Variants in UBE2E2 observed in about 807,000 individuals in gnomAD.
The protein encoded by UBE2E2 is ubiquitin-conjugating enzyme E2 E2.
UBE2E2 carries 6 observed loss-of-function variants against 24.7 expected under a neutral mutation model. That is an observed-to-expected ratio of 0.24 (90% CI 0.13 to 0.48). The LOEUF (loss-of-function observed/expected upper bound fraction) is 0.48. Among genes scored for constraint, UBE2E2 ranks in the 20% least tolerant of loss-of-function variants. The pLI is 0.99. For synonymous variants in UBE2E2, 104 were observed against 83.6 expected (o/e 1.24, Z -1.33); for missense variants, 169 against 245.0 (o/e 0.69, Z 2.07).
intron 3 of UBE2E2, among the ~76,000 whole-genome samples, chr3:23,224,156 G>GTTTTTTTTTTTTTTTTTTTTTTTTT: frequency 1.1e-5 from 1 of 93,718 alleles, no homozygotes; most frequent in African/African-American, 4.0e-5. Context: ...TAAATTTTAG[G>GTTTTTTTTTTTTTTTTTTTTTTTTT]TTTTTTTTTT....
chr3:23,335,333 T>C (rs1341084482), intron 3 of UBE2E2, among the ~76,000 whole-genome samples: 4 of 152,204 alleles, frequency 2.6e-5, no homozygotes, highest in Non-Finnish European at 4.4e-5. Context: ...AGTTCATTTC[T>C]GCCCTTCCTT....
At chr3:23,304,942 T>G (rs549218038) in intron 3 of UBE2E2, among the ~76,000 whole-genome samples, 5 of 152,192 alleles carry the variant, frequency 3.3e-5, no homozygotes, top group African/African-American at 1.2e-4. Flanking sequence ...CAAGTATTGG[T>G]CATTTGGAAA....
chr3:23,584,337 G>A (rs1335522755), intron 5 of UBE2E2, among the ~76,000 whole-genome samples: 1 of 151,900 alleles, frequency 6.6e-6, no homozygotes, highest in Non-Finnish European at 1.5e-5. Flanking sequence ...GAGGATTTTT[G>A]CATCTACATC....
chr3:23,435,385 GGT>G (rs1698156915), intron 3 of UBE2E2, among the ~76,000 whole-genome samples: 1 of 152,206 alleles, frequency 6.6e-6, no homozygotes. Flanking sequence ...TAAGTTACTT[GGT>G]GTGAGGTCTG....
intron 3 of UBE2E2, among the ~76,000 whole-genome samples, chr3:23,269,619 G>T (rs547549505): frequency 2.0e-5 from 3 of 152,300 alleles, no homozygotes; most frequent in Admixed American, 1.3e-4. Flanking sequence ...CAAAAGGCCA[G>T]TTAAGAGAAT....
chr3:23,422,207 G>C (rs1697818273), intron 3 of UBE2E2, among the ~76,000 whole-genome samples: 2 of 152,108 alleles, frequency 1.3e-5, no homozygotes, highest in Admixed American at 6.6e-5. Context: ...TCTTTTAAGA[G>C]AAACAATTTT....
At chr3:23,301,801 C>T (rs1425887122) in intron 3 of UBE2E2, among the ~76,000 whole-genome samples, 1 of 146,056 alleles carries the variant, frequency 6.8e-6, no homozygotes. Flanking sequence ...CCACTACTGT[C>T]TTCAAAGCTC....
chr3:23,209,946 A>G (rs1247478865), intron 2 of UBE2E2, among the ~76,000 whole-genome samples: 2 of 152,040 alleles, frequency 1.3e-5, no homozygotes, highest in Non-Finnish European at 2.9e-5. Context: ...TGAACTTTAA[A>G]CTTTGAGACC....
chr3:23,302,968 C>G (rs753965733), intron 3 of UBE2E2, among the ~76,000 whole-genome samples: 3 of 152,166 alleles, frequency 2.0e-5, no homozygotes, highest in Non-Finnish European at 4.4e-5. Flanking sequence ...ATGACACATA[C>G]CTGTGGAACC....
intron 3 of UBE2E2, among the ~76,000 whole-genome samples, chr3:23,250,842 C>T (rs547245055): frequency 6.6e-6 from 1 of 152,226 alleles, no homozygotes; most frequent in African/African-American, 2.4e-5. Context: ...GTAATTTCTT[C>T]TCAGTCCTCT....
At chr3:23,533,157 A>G (rs746077087) in intron 5 of UBE2E2, among the ~76,000 whole-genome samples, 2 of 152,198 alleles carry the variant, frequency 1.3e-5, no homozygotes, top group Non-Finnish European at 2.9e-5. Flanking sequence ...ACAAGCTATT[A>G]TAACGGTCCT....
At chr3:23,414,340 C>A (rs1211751748) in intron 3 of UBE2E2, among the ~76,000 whole-genome samples, 1 of 152,004 alleles carries the variant, frequency 6.6e-6, no homozygotes, top group Admixed American at 6.5e-5. Context: ...AGCTGGTGCA[C>A]ACTTGTTAAA....
At position 23,572,336 on chromosome 3, in the gene UBE2E2, G is replaced by T. The variant is rs1262174902; in HGVS notation, c.509-17398G>T. Among the ~76,000 whole-genome samples, 3 of 152,084 alleles carry T rather than the reference G, an allele frequency of 2.0e-5. No individual in the cohort carries two copies. In the East Asian group the frequency reaches 5.8e-4, roughly 29 times the overall value. On this transcript the variant is annotated intron_variant, in intron 5 of 5. Transcript: ENST00000396703. ...TAATCACTTCATTTTAGACTCAGAG[G>T]AATTCCAGTGTTTCTAAATCCTGAT...
intron 3 of UBE2E2, among the ~76,000 whole-genome samples, chr3:23,272,450 C>A (rs1698270220): frequency 6.6e-6 from 1 of 152,154 alleles, no homozygotes; most frequent in Non-Finnish European, 1.5e-5. Context: ...AGAGGGGCTC[C>A]CACAGTGCAG....
At chr3:23,255,685 A>G (rs1020407730) in intron 3 of UBE2E2, among the ~76,000 whole-genome samples, 1 of 152,160 alleles carries the variant, frequency 6.6e-6, no homozygotes, top group Non-Finnish European at 1.5e-5. Context: ...GCTTCTGAAC[A>G]TTTTGCCTTT....
intron 3 of UBE2E2, among the ~76,000 whole-genome samples, chr3:23,263,334 T>A (rs531733978): frequency 6.6e-6 from 1 of 152,344 alleles, no homozygotes; most frequent in East Asian, 1.9e-4. Flanking sequence ...TTTAACTATT[T>A]ACACAAAGAT....
intron 4 of UBE2E2, among the ~76,000 whole-genome samples, chr3:23,510,099 A>C (rs1355709412): frequency 2.6e-5 from 4 of 152,138 alleles, no homozygotes; most frequent in Non-Finnish European, 5.9e-5. Flanking sequence ...AGCCTCTTAG[A>C]GATTTGTTCA....
At position 23,312,801 on chromosome 3, in the gene UBE2E2, A is replaced by G. The variant is rs576497715; in HGVS notation, c.227+95489A>G. On this transcript the variant is annotated intron_variant, in intron 3 of 5. Coordinates refer to ENST00000396703, the MANE Select transcript of UBE2E2 (RefSeq NM_152653.4). ...TTTGCTGTGTTGTGTTTTCATTATC[A>G]TTTGTTTCAAGAAAGTTTTCAATTT... Among the ~76,000 whole-genome samples, 12 of 152,074 alleles carry G rather than the reference A, an allele frequency of 7.9e-5. No individual in the cohort carries two copies. The South Asian group carries it at 2.5e-3, about 32-fold the overall frequency.
chr3:23,217,710 A>G (rs1161572131), intron 3 of UBE2E2, among the ~76,000 whole-genome samples: 2 of 152,094 alleles, frequency 1.3e-5, no homozygotes, highest in Non-Finnish European at 2.9e-5. Context: ...TTAAAAATGC[A>G]GACACATTAA....
Sources: allele counts gnomAD v4.1 joint callset (sites outside exome capture counted in the v4.1 genomes callset), GRCh38; gene constraint gnomAD v4.1.1; transcripts MANE v1.5; gene names NCBI Gene and HGNC (gene_info 2026-07-23, HGNC 2026-07-21).